GRIA2: variants seen among roughly 807,000 people sequenced by gnomAD.
GRIA2 encodes glutamate ionotropic receptor AMPA type subunit 2.
GRIA2 carries 14 observed loss-of-function variants against 97.3 expected under a neutral mutation model. That is an observed-to-expected ratio of 0.14 (90% CI 0.10 to 0.23). GRIA2 has a LOEUF of 0.23. Ranked by LOEUF, GRIA2 falls within the 10% of genes least tolerant of loss-of-function variation. GRIA2 has a pLI of 1.00. For missense variants in GRIA2, 558 were observed against 1,069.8 expected, an observed-to-expected ratio of 0.52 and a Z score of 6.67; for synonymous variants, 412 against 387.8, an observed-to-expected ratio of 1.06 and a Z score of -0.73.
At chr4:157,316,757 T>G (rs1215810108) in intron 4 of GRIA2, among the ~76,000 whole-genome samples, 3 of 152,120 alleles carry the variant, frequency 2.0e-5, no homozygotes, top group African/African-American at 7.2e-5. Flanking sequence ...GAGAAATGAT[T>G]TGGTTTGAAT....
intron 11 of GRIA2, among the ~76,000 whole-genome samples, chr4:157,338,413 C>T (rs769329927): frequency 5.3e-5 from 8 of 151,924 alleles, no homozygotes; most frequent in Non-Finnish European, 1.2e-4. Context: ...GGCATGATGG[C>T]ACTGCAGGTA....
At chr4:157,329,576 T>C (rs1361729928) in intron 6 of GRIA2, among the ~76,000 whole-genome samples, 1 of 151,948 alleles carries the variant, frequency 6.6e-6, no homozygotes, top group East Asian at 1.9e-4. Flanking sequence ...AATCATTTTC[T>C]GTACTTATTA....
At chr4:157,336,788 T>G (rs1392462662) in intron 11 of GRIA2, 41 bp downstream of exon 11, 3 of 1,570,218 alleles carry the variant, frequency 1.9e-6, no homozygotes, top group Admixed American at 3.5e-5. Flanking sequence ...ATTTCAGGTC[T>G]CAAGTGGACA....
chr4:157,336,860 G>A (rs551675506), intron 11 of GRIA2, 113 bp downstream of exon 11: 3 of 912,572 alleles, frequency 3.3e-6, no homozygotes, highest in South Asian at 1.6e-5. Flanking sequence ...TGTCCAAGCA[G>A]TTTAAGACTC....
At chr4:157,228,558 C>G (rs11726348) in intron 2 of GRIA2, among the ~76,000 whole-genome samples, 13 of 151,832 alleles carry the variant, frequency 8.6e-5, no homozygotes, top group African/African-American at 3.1e-4. Context: ...TTTGGGTGGC[C>G]GAGGCGGGTG....
intron 4 of GRIA2, among the ~76,000 whole-genome samples, chr4:157,314,956 G>A (rs911182832): frequency 6.6e-6 from 1 of 152,176 alleles, no homozygotes; most frequent in African/African-American, 2.4e-5. Flanking sequence ...TGTACACAAT[G>A]TACACAGACA....
chr4:157,335,838 G>A lies in GRIA2; in HGVS notation c.1434G>A (p.Thr478=), dbSNP rs745408425. 11 of 1,611,592 alleles carry A rather than the reference G, an allele frequency of 6.8e-6. No homozygotes were observed. Among genetic ancestry groups the A allele is most frequent in the South Asian group, 3.3e-5 (3 of 90,992 alleles). The part of the protein sequence containing the change: ...DGKYGARDAD[T]KIWNGMVGEL... ...AGTATGGGGCCAGGGATGCAGACAC[G>A]AAAATTTGGAATGGGATGGTTGGAG... Residue 478 remains threonine (T), a synonymous_variant, in exon 10 of 16, where the codon ACG becomes ACA. Coordinates refer to ENST00000264426, the MANE Select transcript of GRIA2 (RefSeq NM_001083619.3).
chr4:157,257,422 G>T (rs1731327574), intron 2 of GRIA2, among the ~76,000 whole-genome samples: 1 of 151,998 alleles, frequency 6.6e-6, no homozygotes, highest in Non-Finnish European at 1.5e-5. Flanking sequence ...AAAAATACAG[G>T]TCTAACTGCT....
At chr4:157,354,513 G>A (rs975103505) in intron 12 of GRIA2, among the ~76,000 whole-genome samples, 3 of 152,124 alleles carry the variant, frequency 2.0e-5, no homozygotes, top group Non-Finnish European at 4.4e-5. Context: ...CATGGAAAAA[G>A]ATTTGAATAG....
intron 2 of GRIA2, among the ~76,000 whole-genome samples, chr4:157,291,341 G>T (rs1733091892): frequency 6.6e-6 from 1 of 151,718 alleles, no homozygotes; most frequent in South Asian, 2.1e-4. Context: ...TTGCCTTGTT[G>T]CAGCTATGGT....
intron 2 of GRIA2, among the ~76,000 whole-genome samples, chr4:157,265,080 G>T (rs1039557377): frequency 3.3e-5 from 5 of 151,976 alleles, no homozygotes; most frequent in Admixed American, 6.6e-5. Context: ...AGGTTATACT[G>T]CCCTTGTTAA....
chr4:157,240,168 C>T (rs1302296165), intron 2 of GRIA2, among the ~76,000 whole-genome samples: 1 of 152,008 alleles, frequency 6.6e-6, no homozygotes. Flanking sequence ...AGTGTGCATG[C>T]ATGCATGTAT....
chr4:157,360,277 T>C (rs1029707443), intron 13 of GRIA2, 134 bp downstream of exon 13: 132 of 803,724 alleles, frequency 1.6e-4, no homozygotes, highest in Non-Finnish European at 3.7e-5. Flanking sequence ...CCAAAAAACG[T>C]TTCTGAATGT....
At chr4:157,277,953 T>G (rs537931268) in intron 2 of GRIA2, among the ~76,000 whole-genome samples, 1 of 148,662 alleles carries the variant, frequency 6.7e-6, no homozygotes, top group African/African-American at 2.5e-5. Context: ...TACAAAGCAC[T>G]GATAAAAGAA....
At chr4:157,223,246 TTC>T (rs1729589445) in intron 2 of GRIA2, among the ~76,000 whole-genome samples, 1 of 152,204 alleles carries the variant, frequency 6.6e-6, no homozygotes, top group Non-Finnish European at 1.5e-5. Flanking sequence ...AGAAACAATT[TTC>T]TTAGACTGAT....
At chr4:157,222,861 C>T (rs1489869690) in intron 2 of GRIA2, among the ~76,000 whole-genome samples, 1 of 152,228 alleles carries the variant, frequency 6.6e-6, no homozygotes, top group Non-Finnish European at 1.5e-5. Context: ...GCTCCGGTCC[C>T]CGCGCTCGCT....
chr4:157,250,814 C>T (rs1049938133), intron 2 of GRIA2, among the ~76,000 whole-genome samples: 2 of 151,986 alleles, frequency 1.3e-5, no homozygotes, highest in Non-Finnish European at 2.9e-5. Context: ...CAACTTATTC[C>T]CAAAGTAAAA....
intron 2 of GRIA2, among the ~76,000 whole-genome samples, chr4:157,230,400 G>A (rs537648062): frequency 8.5e-5 from 13 of 152,190 alleles, no homozygotes; most frequent in African/African-American, 2.9e-4. Flanking sequence ...AAGTGATGGC[G>A]GGAAAGCTGT....
chr4:157,289,713 A>G (rs1367395990), intron 2 of GRIA2, among the ~76,000 whole-genome samples: 1 of 151,874 alleles, frequency 6.6e-6, no homozygotes, highest in Non-Finnish European at 1.5e-5. Context: ...TCTTATTTGG[A>G]TGCATATCAT....
Sources: gnomAD v4.1 joint callset for allele counts (sites outside exome capture counted in the v4.1 genomes callset) on GRCh38, gnomAD v4.1.1 for gene constraint, MANE v1.5 for transcripts, NCBI Gene and HGNC (gene_info 2026-07-23, HGNC 2026-07-21) for gene names.